The following DOCK2 variants were observed in gnomAD, a reference collection of about 807,000 sequenced individuals.
DOCK2 encodes dedicator of cytokinesis protein 2.
In DOCK2, 87 loss-of-function variants were observed where a neutral mutation model predicts 248.9. The observed-to-expected ratio is 0.35, with a 90% CI of 0.29 to 0.42. DOCK2 has a LOEUF of 0.42. Among genes scored for constraint, DOCK2 ranks in the 10% least tolerant of loss-of-function variants. The pLI, the probability that DOCK2 is intolerant of heterozygous loss-of-function variation, is 1.00. For missense variants in DOCK2, 1,747 were observed against 2,300.2 expected, an observed-to-expected ratio of 0.76 and a Z score of 4.92; for synonymous variants, 805 against 821.6, an observed-to-expected ratio of 0.98 and a Z score of 0.35.
intron 1 of DOCK2, among the ~76,000 whole-genome samples, chr5:169,653,642 C>A (rs182671875): frequency 2.1e-4 from 32 of 152,318 alleles, no homozygotes; most frequent in Non-Finnish European, 1.3e-4. Context: ...CTGGCCCTGC[C>A]TGCAGGAAGC....
At chr5:170,036,578 T>C (rs773767811) in intron 36 of DOCK2, 23 bp downstream of exon 36, 1 of 1,611,292 alleles carries the variant, frequency 6.2e-7, no homozygotes, top group Non-Finnish European at 8.5e-7. Context: ...TTTTCTAAAA[T>C]CCAGACCTGC....
chr5:169,934,138 G>A (rs959145779), intron 27 of DOCK2, among the ~76,000 whole-genome samples: 2 of 152,206 alleles, frequency 1.3e-5, no homozygotes, highest in African/African-American at 4.8e-5. Context: ...GAGGCAGGGG[G>A]TTGAGTGTTC....
At chr5:169,955,129 T>G (rs560048509) in intron 27 of DOCK2, among the ~76,000 whole-genome samples, 2 of 152,254 alleles carry the variant, frequency 1.3e-5, no homozygotes, top group East Asian at 3.9e-4. Context: ...GATTCAGGAA[T>G]GATGGAAGCT....
intron 23 of DOCK2, among the ~76,000 whole-genome samples, chr5:169,751,070 G>A (rs10462987): frequency 1.3e-5 from 2 of 152,266 alleles, no homozygotes; most frequent in East Asian, 1.9e-4. Context: ...GATTATTGAG[G>A]GGGTGAAATA....
At chr5:169,954,243 C>CTTTT (rs1776777215) in intron 27 of DOCK2, among the ~76,000 whole-genome samples, 1 of 152,154 alleles carries the variant, frequency 6.6e-6, no homozygotes, top group Non-Finnish European at 1.5e-5. Flanking sequence ...TTAGCAATCG[C>CTTTT]TGGACATTTT....
intron 27 of DOCK2, 141 bp from the exon 28 acceptor site, chr5:169,982,926 AC>A (rs1777979128): frequency 1.4e-6 from 1 of 729,266 alleles, no homozygotes; most frequent in Non-Finnish European, 2.3e-6. Context: ...TATGTTCGGC[AC>A]TGCTATTACA....
At chr5:169,948,406 T>G (rs898113642) in intron 27 of DOCK2, among the ~76,000 whole-genome samples, 1 of 152,134 alleles carries the variant, frequency 6.6e-6, no homozygotes, top group Non-Finnish European at 1.5e-5. Flanking sequence ...CTCTGTTTTT[T>G]CATACCCATT....
chr5:170,034,698 T>C (rs1756262111), intron 35 of DOCK2, 143 bp downstream of exon 35: 7 of 1,205,604 alleles, frequency 5.8e-6, no homozygotes, highest in East Asian at 2.6e-5. Context: ...GAACGTCTGC[T>C]GCGCTTTCTG....
chr5:170,006,129 C>G (rs777596837), intron 30 of DOCK2, among the ~76,000 whole-genome samples: 2 of 152,164 alleles, frequency 1.3e-5, no homozygotes, highest in Non-Finnish European at 2.9e-5. Flanking sequence ...AAGCAAAGCC[C>G]TGGAGAAACT....
chr5:169,919,469 C>T (rs1310319201), intron 27 of DOCK2, among the ~76,000 whole-genome samples: 1 of 152,222 alleles, frequency 6.6e-6, no homozygotes, highest in Non-Finnish European at 1.5e-5. Flanking sequence ...CATTAATTGA[C>T]CCCAGGCTGG....
chr5:169,652,358 G>A (rs1260849569), intron 1 of DOCK2, among the ~76,000 whole-genome samples: 2 of 152,206 alleles, frequency 1.3e-5, no homozygotes, highest in African/African-American at 4.8e-5. Context: ...CCAGAGCCAG[G>A]AAAAGACAGA....
intron 42 of DOCK2, among the ~76,000 whole-genome samples, chr5:170,055,997 C>T (rs1330201461): frequency 6.6e-6 from 1 of 152,208 alleles, no homozygotes; most frequent in African/African-American, 2.4e-5. Flanking sequence ...CTACCCCATG[C>T]CCAGGTTGTA....
At chr5:169,848,423 C>A (rs1345081287) in intron 27 of DOCK2, among the ~76,000 whole-genome samples, 1 of 152,182 alleles carries the variant, frequency 6.6e-6, no homozygotes, top group African/African-American at 2.4e-5. Flanking sequence ...GGTCTTGGAG[C>A]AGCTTGAGGA....
chr5:169,969,300 C>A (rs1443863126), intron 27 of DOCK2, among the ~76,000 whole-genome samples: 1 of 151,956 alleles, frequency 6.6e-6, no homozygotes, highest in East Asian at 1.9e-4. Flanking sequence ...CAAAAATTAG[C>A]TGGGTGTGGT....
At chr5:169,786,154 C>T (rs913110409) in intron 25 of DOCK2, among the ~76,000 whole-genome samples, 21 of 152,160 alleles carry the variant, frequency 1.4e-4, no homozygotes, top group African/African-American at 4.3e-4. Context: ...AAAGTTAATT[C>T]AGACCTACTG....
At position 169,927,428 on chromosome 5, in the gene DOCK2, A is replaced by T. The variant is rs150906546; in HGVS notation, c.2800-55640A>T. ...TCTAATAAGTTTGCATGTGGTGCCGATGCTACTGGGCCAGAGACCAGACTT... is the reference window on the plus strand; with the variant it reads ...TCTAATAAGTTTGCATGTGGTGCCGTTGCTACTGGGCCAGAGACCAGACTT... On this transcript the variant is annotated intron_variant, in intron 27 of 51. Transcript: ENST00000520908. Among the ~76,000 whole-genome samples, 4 of 152,296 alleles carry T rather than the reference A, an allele frequency of 2.6e-5. No homozygotes were observed. In the East Asian group the frequency reaches 7.7e-4, roughly 29 times the overall value.
chr5:169,695,934 G>A lies in DOCK2; in HGVS notation c.975G>A (p.Val325=). 6.2e-7 allele frequency: 1 copy of A among 1,600,656 alleles called. No individual in the cohort carries two copies. ...AGGGACTGAGGAGGCCCTTTGGGGT[G>A]GCAGGTAAGGGGCACACTCTGCATC... is the stretch of plus-strand genomic sequence containing the variant. The part of the protein sequence containing the change: ...CTQGLRRPFG[V]AVMDITDIIK... Residue 325 remains valine (V), a synonymous_variant, in exon 10 of 52, where the codon GTG becomes GTA. Transcript: ENST00000520908.
chr5:170,055,224 G>T, intron 41 of DOCK2, 81 bp from the exon 42 acceptor site: 1 of 1,393,338 alleles, frequency 7.2e-7, no homozygotes. Context: ...GGCTGGCCTG[G>T]AAGGTCTCAG....
At chr5:169,915,318 C>A (rs549120424) in intron 27 of DOCK2, among the ~76,000 whole-genome samples, 1 of 152,194 alleles carries the variant, frequency 6.6e-6, no homozygotes, top group African/African-American at 2.4e-5. Flanking sequence ...AAAATCTTTA[C>A]TCAAAATCAT....
Sources: allele counts gnomAD v4.1 joint callset (sites outside exome capture counted in the v4.1 genomes callset), GRCh38; gene constraint gnomAD v4.1.1; transcripts MANE v1.5; gene names NCBI Gene and HGNC (gene_info 2026-07-23, HGNC 2026-07-21).